ERC1: variants seen among roughly 807,000 people sequenced by gnomAD.
ERC1 encodes the protein ELKS/RAB6-interacting/CAST family member 1.
A neutral mutation model predicts 132.0 loss-of-function variants in ERC1; 56 were observed. The ratio of observed to expected loss-of-function variants is 0.42; its 90% CI spans 0.34 to 0.53. The LOEUF is 0.53. ERC1 is among the 20% of genes least tolerant of loss of function. ERC1 has a pLI of 0.03. For synonymous variants in ERC1, 478 were observed against 476.1 expected (o/e 1.00, Z -0.05); for missense variants, 1,202 against 1,349.9 (o/e 0.89, Z 1.72).
At chr12:1,159,615 T>C (rs1406871382) in intron 8 of ERC1, among the ~76,000 whole-genome samples, 1 of 152,248 alleles carries the variant, frequency 6.6e-6, no homozygotes, top group Non-Finnish European at 1.5e-5. Context: ...TGGAGCTTAC[T>C]CTTTGGCAGC....
intron 18 of ERC1, among the ~76,000 whole-genome samples, chr12:1,475,435 T>C (rs918487799): frequency 2.0e-5 from 3 of 152,150 alleles, no homozygotes; most frequent in African/African-American, 7.2e-5. Context: ...AACCAACTAT[T>C]GAAAGGGGAC....
At chr12:1,483,422 C>T (rs757565313) in intron 18 of ERC1, among the ~76,000 whole-genome samples, 1 of 152,274 alleles carries the variant, frequency 6.6e-6, no homozygotes, top group South Asian at 2.1e-4. Flanking sequence ...GTCAGAACTT[C>T]GTTCCTTTTT....
At chr12:1,473,342 A>G (rs1230832799) in intron 18 of ERC1, among the ~76,000 whole-genome samples, 1 of 152,088 alleles carries the variant, frequency 6.6e-6, no homozygotes, top group Non-Finnish European at 1.5e-5. Context: ...TCTCGTTTTT[A>G]TTATGCCATT....
intron 2 of ERC1, among the ~76,000 whole-genome samples, chr12:1,044,747 G>T (rs1970814012): frequency 6.6e-6 from 1 of 152,050 alleles, no homozygotes; most frequent in Non-Finnish European, 1.5e-5. Context: ...TTAGAAAGTG[G>T]GTCACAGTGG....
intron 7 of ERC1, among the ~76,000 whole-genome samples, chr12:1,132,007 G>T (rs79340587): frequency 0.063 from 9,666 of 152,238 alleles, 518 homozygotes; most frequent in Admixed American, 0.14. Flanking sequence ...CAATGACTGT[G>T]TGTGTCCTGC....
At chr12:1,453,093 C>T (rs1028807062) in intron 18 of ERC1, among the ~76,000 whole-genome samples, 10 of 152,186 alleles carry the variant, frequency 6.6e-5, no homozygotes, top group African/African-American at 2.2e-4. Flanking sequence ...GTTCTTGTTA[C>T]TCAGTGAAGA....
intron 18 of ERC1, among the ~76,000 whole-genome samples, chr12:1,453,124 G>C (rs954182684): frequency 6.6e-6 from 1 of 152,110 alleles, no homozygotes; most frequent in Non-Finnish European, 1.5e-5. Context: ...GGCAGGAGTG[G>C]CTTCTTCATT....
chr12:1,417,209 C>T (rs2092160149), intron 17 of ERC1, among the ~76,000 whole-genome samples: 1 of 152,186 alleles, frequency 6.6e-6, no homozygotes, highest in African/African-American at 2.4e-5. Flanking sequence ...CTGCTTTTCA[C>T]TGTTTTCCAG....
intron 18 of ERC1, among the ~76,000 whole-genome samples, chr12:1,457,047 C>A (rs562452699): frequency 6.6e-6 from 1 of 152,268 alleles, no homozygotes; most frequent in East Asian, 1.9e-4. Flanking sequence ...TTTTACTGTA[C>A]CTTGTCTATG....
At chr12:1,144,603 A>G (rs1046815837) in intron 8 of ERC1, among the ~76,000 whole-genome samples, 2 of 135,206 alleles carry the variant, frequency 1.5e-5, no homozygotes, top group African/African-American at 7.4e-5. Flanking sequence ...ATGGCTGAGT[A>G]GAATTTTGTG....
chr12:1,453,188 A>G (rs1437493466), intron 18 of ERC1, among the ~76,000 whole-genome samples: 1 of 152,012 alleles, frequency 6.6e-6, no homozygotes, highest in African/African-American at 2.4e-5. Flanking sequence ...GTGACAGACA[A>G]CATCTCCCCC....
chr12:1,244,626 AT>A (rs759614896), intron 13 of ERC1: 8 of 437,750 alleles, frequency 1.8e-5, no homozygotes, highest in South Asian at 1.3e-4. Context: ...GATTCAAGTG[AT>A]TCTCATGCCT....
intron 18 of ERC1, among the ~76,000 whole-genome samples, chr12:1,486,918 T>G (rs1411082900): frequency 6.6e-6 from 1 of 152,212 alleles, no homozygotes; most frequent in Non-Finnish European, 1.5e-5. Context: ...GTTACCTGGC[T>G]CAGAATATAA....
intron 16 of ERC1, among the ~76,000 whole-genome samples, chr12:1,373,991 C>G (rs972339098): frequency 6.6e-6 from 1 of 152,202 alleles, no homozygotes; most frequent in Non-Finnish European, 1.5e-5. Context: ...CTTTTACATT[C>G]CTGCCCTTTC....
intron 2 of ERC1, among the ~76,000 whole-genome samples, chr12:1,029,417 G>T (rs1362870986): frequency 6.6e-6 from 1 of 152,110 alleles, no homozygotes; most frequent in Admixed American, 6.5e-5. Flanking sequence ...TCTTTTTGTT[G>T]CCATTCATGG....
chr12:1,484,823 G>A (rs568632773), intron 18 of ERC1, among the ~76,000 whole-genome samples: 17 of 151,954 alleles, frequency 1.1e-4, no homozygotes, highest in African/African-American at 3.4e-4. Flanking sequence ...CTCGTGATGC[G>A]CCTGCCACCT....
intron 4 of ERC1, among the ~76,000 whole-genome samples, chr12:1,109,188 G>A (rs1945579616): frequency 6.6e-6 from 1 of 152,188 alleles, no homozygotes; most frequent in Admixed American, 6.5e-5. Context: ...ACTAGGTACT[G>A]CGACAAACAA....
In ERC1 at chr12:1,263,286, AGAG is replaced by A. The variant is rs1267152720; in HGVS notation, c.2619+125_2619+127del. 2.1e-5 allele frequency: 19 copies of A among 902,118 alleles called. No individual in the cohort carries two copies. In the East Asian group the frequency reaches 4.0e-4, roughly 19 times the overall value. 55.9% of individuals were successfully genotyped at this position (902,118 alleles called of 1,614,324 possible). A position where few individuals can be genotyped will look rare whatever the true frequency, so the allele number is the denominator to read the frequency against. ...TTATAGGGTTTCAAAAACACTTCATAGAGGAGAAGTCCCAAGGAGTTCCTTCAT... is the reference window on the plus strand; with the variant it reads ...TTATAGGGTTTCAAAAACACTTCATAGAGAAGTCCCAAGGAGTTCCTTCAT... On this transcript the variant is annotated intron_variant, in intron 14 of 18. Coordinates refer to ENST00000360905, the MANE Select transcript of ERC1 (RefSeq NM_178040.4).
chr12:1,455,680 T>C (rs1275317136), intron 18 of ERC1, among the ~76,000 whole-genome samples: 1 of 152,158 alleles, frequency 6.6e-6, no homozygotes, highest in Non-Finnish European at 1.5e-5. Context: ...CTTAAGAAAC[T>C]CCATGAAAAT....
Sources: gnomAD v4.1 joint callset for allele counts (sites outside exome capture counted in the v4.1 genomes callset) on GRCh38, gnomAD v4.1.1 for gene constraint, MANE v1.5 for transcripts, NCBI Gene and HGNC (gene_info 2026-07-23, HGNC 2026-07-21) for gene names.